The following CNBD1 variants were observed in gnomAD, a reference collection of about 807,000 sequenced individuals.
CNBD1 encodes the protein cyclic nucleotide binding domain containing 1.
CNBD1 carries 71 observed loss-of-function variants against 54.4 expected under a neutral mutation model. The observed-to-expected ratio is 1.30, with a 90% CI of 1.08 to 1.59. CNBD1 has a LOEUF of 1.59. Ranked by LOEUF, CNBD1 falls within the 40% of genes most tolerant of loss-of-function variation. The probability of loss-of-function intolerance (pLI) is 0.00; values close to 1 mark genes in which losing one functional copy is unlikely to be tolerated. For synonymous variants in CNBD1, 182 were observed against 170.7 expected, an observed-to-expected ratio of 1.07 and a Z score of -0.51; for missense variants, 659 against 518.0, an observed-to-expected ratio of 1.27 and a Z score of -2.64.
At chr8:87,333,729 G>A (rs1468650678) in intron 8 of CNBD1, among the ~76,000 whole-genome samples, 1 of 152,174 alleles carries the variant, frequency 6.6e-6, no homozygotes. Context: ...ACTTGATCAT[G>A]GTGGATAAGC....
chr8:87,337,064 G>A (rs1002192814), intron 8 of CNBD1, among the ~76,000 whole-genome samples: 1 of 152,128 alleles, frequency 6.6e-6, no homozygotes, highest in Non-Finnish European at 1.5e-5. Flanking sequence ...GCAAAGATGG[G>A]TGCCTGCTCC....
At chr8:87,169,465 C>G (rs1813040102) in intron 4 of CNBD1, among the ~76,000 whole-genome samples, 1 of 152,004 alleles carries the variant, frequency 6.6e-6, no homozygotes, top group African/African-American at 2.4e-5. Context: ...TGGGGTATTA[C>G]TCAAGAAATC....
At chr8:87,168,299 G>A (rs1466695074) in intron 4 of CNBD1, among the ~76,000 whole-genome samples, 1 of 151,760 alleles carries the variant, frequency 6.6e-6, no homozygotes, top group Non-Finnish European at 1.5e-5. Flanking sequence ...TTTATTTTAT[G>A]GGTTCATAGT....
intron 8 of CNBD1, among the ~76,000 whole-genome samples, chr8:87,334,128 G>T (rs950582900): frequency 4.6e-5 from 7 of 152,108 alleles, no homozygotes; most frequent in Non-Finnish European, 7.4e-5. Flanking sequence ...ATGTGTCCAA[G>T]AATTTATTCA....
intron 8 of CNBD1, among the ~76,000 whole-genome samples, chr8:87,347,491 A>C (rs1430301682): frequency 1.3e-5 from 2 of 148,718 alleles, no homozygotes; most frequent in African/African-American, 5.2e-5. Context: ...CAAATCAATA[A>C]CTTATACAAT....
chr8:87,357,813 G>A (rs1337115618), intron 10 of CNBD1, among the ~76,000 whole-genome samples: 1 of 152,146 alleles, frequency 6.6e-6, no homozygotes, highest in African/African-American at 2.4e-5. Flanking sequence ...TTGGATGTCT[G>A]TCCCCTCCAA....
chr8:87,090,849 T>C (rs1811189763), intron 4 of CNBD1, among the ~76,000 whole-genome samples: 1 of 152,110 alleles, frequency 6.6e-6, no homozygotes, highest in South Asian at 2.1e-4. Flanking sequence ...GGATTCTTTT[T>C]AGAAAGTTAG....
chr8:87,164,782 A>G (rs950337598), intron 4 of CNBD1, among the ~76,000 whole-genome samples: 3 of 151,522 alleles, frequency 2.0e-5, no homozygotes, highest in Admixed American at 6.6e-5. Context: ...TGTCATTTAC[A>G]TATGCTCTAA....
At chr8:87,229,269 C>G (rs1208703081) in intron 5 of CNBD1, among the ~76,000 whole-genome samples, 1 of 152,006 alleles carries the variant, frequency 6.6e-6, no homozygotes, top group Non-Finnish European at 1.5e-5. Flanking sequence ...CATCTTGGCT[C>G]CTCCCCCCGA....
At chr8:87,144,368 G>C (rs908109580) in intron 4 of CNBD1, among the ~76,000 whole-genome samples, 1 of 152,088 alleles carries the variant, frequency 6.6e-6, no homozygotes, top group African/African-American at 2.4e-5. Context: ...GATATATAGG[G>C]AAACAACAAT....
At chr8:87,402,305 GAC>G (rs1307244081) in intron 2 of CNBD1, among the ~76,000 whole-genome samples, 2 of 151,996 alleles carry the variant, frequency 1.3e-5, no homozygotes, top group African/African-American at 4.8e-5. Context: ...TTTGGGTGGG[GAC>G]ACAGTCAAAC....
chr8:87,132,233 A>C (rs1477298478), intron 4 of CNBD1, among the ~76,000 whole-genome samples: 3 of 151,870 alleles, frequency 2.0e-5, no homozygotes, highest in Non-Finnish European at 2.9e-5. Flanking sequence ...ACATATAATT[A>C]ATGGCACTAA....
rs1418935512 is a variant in CNBD1, at chr8:87,286,561, T to C, written c.932T>C (p.Met311Thr). 3.4e-6 allele frequency: 5 copies of C among 1,451,430 alleles called. No homozygotes were observed. The highest frequency in any genetic ancestry group is 2.4e-5 in the East Asian group (1 of 41,644). The allele number at this position is 1,451,430 out of a possible 1,614,324, so 89.9% of individuals were successfully genotyped here. A position where few individuals can be genotyped will look rare whatever the true frequency, so the allele number is the denominator to read the frequency against. The change falls in exon 8 of 11, where the codon ATG becomes ACG. Residue 311 changes from methionine (M) to threonine (T), a missense_variant. By Grantham distance (81) the Met-to-Thr change is moderately conservative. Transcript: ENST00000518476. ...IKEEKIKLEN[M>T]QKLKLIRMCP... ...TAGGAAAAAATAAAACTTGAAAATA[T>C]GCAAAAGTTGAAATTAATCCGTATG...
intron 4 of CNBD1, among the ~76,000 whole-genome samples, chr8:87,128,480 G>A (rs116528580): frequency 5.3e-5 from 8 of 152,282 alleles, no homozygotes; most frequent in East Asian, 1.9e-4. Context: ...TGTGAGGGAC[G>A]TCAGGGAACT....
At chr8:87,217,012 G>A (rs1227827681) in intron 5 of CNBD1, among the ~76,000 whole-genome samples, 1 of 152,086 alleles carries the variant, frequency 6.6e-6, no homozygotes, top group African/African-American at 2.4e-5. Context: ...CTGTTATCAG[G>A]AGAATGGCTC....
At chr8:87,310,156 A>G (rs1442507267) in intron 8 of CNBD1, among the ~76,000 whole-genome samples, 1 of 152,046 alleles carries the variant, frequency 6.6e-6, no homozygotes, top group Non-Finnish European at 1.5e-5. Flanking sequence ...GGAGTGTATG[A>G]CCAGTCCTGG....
chr8:86,866,963 T>A (rs965308025), intron 1 of CNBD1, among the ~76,000 whole-genome samples: 2 of 152,196 alleles, frequency 1.3e-5, no homozygotes, highest in Non-Finnish European at 2.9e-5. Flanking sequence ...CTACGCTTAA[T>A]GGGATAATTA....
intron 8 of CNBD1, among the ~76,000 whole-genome samples, chr8:87,295,866 A>T (rs1473351134): frequency 6.6e-6 from 1 of 152,136 alleles, no homozygotes; most frequent in Non-Finnish European, 1.5e-5. Context: ...CAAATATGTG[A>T]ACATTTAAAT....
intron 4 of CNBD1, among the ~76,000 whole-genome samples, chr8:87,123,519 C>T (rs1257804292): frequency 6.6e-6 from 1 of 151,638 alleles, no homozygotes; most frequent in Admixed American, 6.6e-5. Flanking sequence ...GCAGCAAAAG[C>T]AGTCCTAATA....
Sources: gnomAD v4.1 joint callset for allele counts (sites outside exome capture counted in the v4.1 genomes callset) on GRCh38, gnomAD v4.1.1 for gene constraint, MANE v1.5 for transcripts, NCBI Gene and HGNC (gene_info 2026-07-23, HGNC 2026-07-21) for gene names.